RBM33: variants seen among roughly 807,000 people sequenced by gnomAD.
RBM33 encodes RNA binding motif protein 33.
A neutral mutation model predicts 132.6 loss-of-function variants in RBM33; 28 were observed. That is an observed-to-expected ratio of 0.21 (90% confidence interval 0.16 to 0.29). The LOEUF (loss-of-function observed/expected upper bound fraction) is 0.29. RBM33 is among the 10% of genes least tolerant of loss of function. The probability of loss-of-function intolerance (pLI) is 1.00; values close to 1 mark genes in which losing one functional copy is unlikely to be tolerated. For synonymous variants in RBM33, 634 were observed against 593.0 expected, an observed-to-expected ratio of 1.07 and a Z score of -1.01; for missense variants, 1,291 against 1,518.5, an observed-to-expected ratio of 0.85 and a Z score of 2.49.
rs1563138289 is a variant in RBM33, at chr7:155,673,943, T to TTGTTTGTTTTTTTTG, written c.171+1029_171+1030insGTTTGTTTTTTTTGT. Among the ~76,000 whole-genome samples, 3 of 17,316 alleles carry TTGTTTGTTTTTTTTG rather than the reference T, an allele frequency of 1.7e-4. No homozygotes were observed. The East Asian group carries it at 6.0e-3, about 35-fold the overall frequency. The allele number at this position is 17,316 out of a possible 152,430, so 11.4% of individuals were successfully genotyped here. A position where few individuals can be genotyped will look rare whatever the true frequency, so the allele number is the denominator to read the frequency against. On this transcript the variant is annotated intron_variant, in intron 3 of 17. Coordinates refer to ENST00000401878, the MANE Select transcript of RBM33 (RefSeq NM_053043.3). ...TTATCAAGATAGTTTAGGCTTAGTT[T>TTGTTTGTTTTTTTTG]TTTTTTTTTTTTTTTTTTTTTTTTT...
intron 11 of RBM33, chr7:155,738,662 C>CCTG: frequency 4.4e-6 from 2 of 453,206 alleles, no homozygotes; most frequent in Non-Finnish European, 7.8e-6. Context: ...GGGTATACTA[C>CCTG]TAATAAAATT....
chr7:155,700,221 A>C (rs976681033), intron 5 of RBM33, among the ~76,000 whole-genome samples: 2 of 152,252 alleles, frequency 1.3e-5, no homozygotes, highest in Non-Finnish European at 2.9e-5. Flanking sequence ...AATTAACTCT[A>C]GACAGTGAGA....
chr7:155,721,444 A>G (rs112983070), intron 9 of RBM33, among the ~76,000 whole-genome samples: 6 of 152,332 alleles, frequency 3.9e-5, no homozygotes, highest in African/African-American at 1.4e-4. Flanking sequence ...GTTGTATTCA[A>G]GAACGTATGT....
chr7:155,734,556 C>T (rs1357154932), intron 9 of RBM33, among the ~76,000 whole-genome samples: 1 of 152,126 alleles, frequency 6.6e-6, no homozygotes, highest in Non-Finnish European at 1.5e-5. Flanking sequence ...TATCTTGTTT[C>T]AGGCTGTGAT....
intron 1 of RBM33, among the ~76,000 whole-genome samples, chr7:155,662,258 T>C (rs1798672781): frequency 6.6e-6 from 1 of 152,164 alleles, no homozygotes; most frequent in Admixed American, 6.5e-5. Flanking sequence ...CTCCTTTGAA[T>C]GGATACTGTC....
chr7:155,664,164 A>T (rs532671627), intron 1 of RBM33, among the ~76,000 whole-genome samples: 1 of 152,346 alleles, frequency 6.6e-6, no homozygotes, highest in Non-Finnish European at 1.5e-5. Flanking sequence ...GTGCAAAATA[A>T]GCAGTTAGTA....
At chr7:155,650,981 G>A (rs1210724148) in intron 1 of RBM33, among the ~76,000 whole-genome samples, 4 of 152,118 alleles carry the variant, frequency 2.6e-5, no homozygotes, top group Admixed American at 6.6e-5. Flanking sequence ...GGGTTCAAGC[G>A]ATTCTTCAGC....
intron 2 of RBM33, among the ~76,000 whole-genome samples, chr7:155,669,399 C>G (rs1284977639): frequency 6.6e-6 from 1 of 152,162 alleles, no homozygotes. Context: ...AGAGTCTGCT[C>G]TGGAGTGCAG....
At chr7:155,685,914 A>G (rs544454565) in intron 5 of RBM33, among the ~76,000 whole-genome samples, 1 of 152,332 alleles carries the variant, frequency 6.6e-6, no homozygotes, top group Admixed American at 6.5e-5. Context: ...AGTCCAGAAA[A>G]CATTTACTTT....
chr7:155,744,629 G>A (rs774195875), intron 13 of RBM33, among the ~76,000 whole-genome samples: 4 of 152,188 alleles, frequency 2.6e-5, no homozygotes, highest in Non-Finnish European at 5.9e-5. Context: ...GTGACAGCAG[G>A]CCTCCCTACT....
At chr7:155,737,080 A>C (rs1235736338) in intron 9 of RBM33, among the ~76,000 whole-genome samples, 1 of 152,118 alleles carries the variant, frequency 6.6e-6, no homozygotes, top group Non-Finnish European at 1.5e-5. Flanking sequence ...TTTTATTGTA[A>C]CCTTTTCTAG....
At chr7:155,650,688 A>C (rs1178857659) in intron 1 of RBM33, among the ~76,000 whole-genome samples, 1 of 152,204 alleles carries the variant, frequency 6.6e-6, no homozygotes, top group Non-Finnish European at 1.5e-5. Flanking sequence ...CTCCAGAGCC[A>C]TTTGGGTCTG....
intron 1 of RBM33, among the ~76,000 whole-genome samples, chr7:155,661,548 C>T (rs1272146906): frequency 1.3e-5 from 2 of 151,966 alleles, no homozygotes; most frequent in Non-Finnish European, 2.9e-5. Flanking sequence ...GCCGGGATTA[C>T]AGGTGTGTGC....
At chr7:155,738,640 T>C in intron 11 of RBM33, 1 of 545,652 alleles carries the variant, frequency 1.8e-6, no homozygotes, top group East Asian at 3.1e-5. Context: ...CTACTTATTA[T>C]AATTGTTTAA....
At chr7:155,713,221 A>G (rs1800357408) in intron 8 of RBM33, among the ~76,000 whole-genome samples, 2 of 152,170 alleles carry the variant, frequency 1.3e-5, no homozygotes, top group Admixed American at 6.5e-5. Context: ...TGAGATGCCA[A>G]CTAGCCATGT....
Position 155,709,659 on chromosome 7 carries a change from C to T in RBM33, c.949-1544C>T, listed in dbSNP as rs188826907. ...CCATGCATTGTGGTCACTCTCAGTTCAATTAAAATTTAACTTGGGTGTCCC... is the reference window on the plus strand; with the variant it reads ...CCATGCATTGTGGTCACTCTCAGTTTAATTAAAATTTAACTTGGGTGTCCC... On this transcript the variant is annotated intron_variant, in intron 7 of 17. Coordinates refer to ENST00000401878, the MANE Select transcript of RBM33 (RefSeq NM_053043.3). 9.8e-4 allele frequency among the ~76,000 whole-genome samples: 150 copies of T among 152,286 alleles called. No homozygotes were observed. The Middle Eastern group carries it at 0.014, about 14-fold the overall frequency.
At chr7:155,652,191 GAGAACCTTTGGAATACAAAGGTC>G (rs774992432) in intron 1 of RBM33, among the ~76,000 whole-genome samples, 22 of 152,226 alleles carry the variant, frequency 1.4e-4, no homozygotes, top group Non-Finnish European at 2.4e-4. Context: ...AAAGAAGGTT[GAGAACCTTTGGAATACAAAGGTC>G]AGCAAACTTT....
chr7:155,770,363 G>A, intron 16 of RBM33, among the ~76,000 whole-genome samples: 1 of 152,216 alleles, frequency 6.6e-6, no homozygotes. Flanking sequence ...TGACCTGTGT[G>A]TAGAGGGGAG....
intron 1 of RBM33, among the ~76,000 whole-genome samples, chr7:155,662,519 G>GCC (rs139288216): frequency 7.3e-5 from 11 of 150,882 alleles, no homozygotes; most frequent in Non-Finnish European, 1.3e-4. Context: ...TCCTCACCCC[G>GCC]CCCCCCCCGC....
Sources: allele counts gnomAD v4.1 joint callset (sites outside exome capture counted in the v4.1 genomes callset), GRCh38; gene constraint gnomAD v4.1.1; transcripts MANE v1.5; gene names NCBI Gene and HGNC (gene_info 2026-07-23, HGNC 2026-07-21).